The following SDK1 variants were observed in gnomAD, a reference collection of about 807,000 sequenced individuals.
SDK1 encodes protein sidekick-1.
SDK1 carries 157 observed loss-of-function variants against 245.5 expected under a neutral mutation model. The observed-to-expected ratio is 0.64, with a 90% CI of 0.56 to 0.73. The LOEUF (loss-of-function observed/expected upper bound fraction) is 0.73. SDK1 is among the 30% of genes least tolerant of loss of function. The probability of loss-of-function intolerance (pLI) is 0.00; values close to 1 mark genes in which losing one functional copy is unlikely to be tolerated. For missense variants in SDK1, 3,583 were observed against 3,002.3 expected (o/e 1.19, Z -4.52); for synonymous variants, 1,647 against 1,278.5 (o/e 1.29, Z -6.15).
At chr7:4,095,216 C>G (rs1398868286) in intron 22 of SDK1, among the ~76,000 whole-genome samples, 1 of 140,824 alleles carries the variant, frequency 7.1e-6, no homozygotes, top group South Asian at 2.6e-4. Flanking sequence ...TCAGCTCCCC[C>G]ACATCTGAGC....
At chr7:4,115,408 A>C (rs1445617308) in intron 25 of SDK1, among the ~76,000 whole-genome samples, 1 of 152,198 alleles carries the variant, frequency 6.6e-6, no homozygotes, top group Non-Finnish European at 1.5e-5. Context: ...TGGCCAGAGG[A>C]AAAGAACAAG....
At chr7:3,919,832 G>T (rs62439581) in intron 5 of SDK1, among the ~76,000 whole-genome samples, 2 of 152,094 alleles carry the variant, frequency 1.3e-5, no homozygotes, top group Non-Finnish European at 2.9e-5. Flanking sequence ...CATACCTCAC[G>T]TCTCAGACAC....
At chr7:3,584,041 G>C (rs998274252) in intron 1 of SDK1, among the ~76,000 whole-genome samples, 17 of 152,194 alleles carry the variant, frequency 1.1e-4, no homozygotes, top group South Asian at 8.3e-4. Flanking sequence ...TAAGGTGCCA[G>C]GGAGAAGTGT....
chr7:3,762,917 C>G (rs1261864942), intron 4 of SDK1, among the ~76,000 whole-genome samples: 2 of 152,168 alleles, frequency 1.3e-5, no homozygotes, highest in African/African-American at 4.8e-5. Flanking sequence ...GATGTGTGCA[C>G]AAGTCTACAA....
At chr7:3,959,649 A>T (rs1001468283) in intron 8 of SDK1, among the ~76,000 whole-genome samples, 2 of 152,228 alleles carry the variant, frequency 1.3e-5, no homozygotes, top group Non-Finnish European at 2.9e-5. Flanking sequence ...GCACCCACTT[A>T]TTAGTGAGAA....
intron 22 of SDK1, among the ~76,000 whole-genome samples, chr7:4,084,587 A>G (rs1255013595): frequency 6.6e-6 from 1 of 152,158 alleles, no homozygotes; most frequent in Admixed American, 6.5e-5. Flanking sequence ...CCCAGTAGAC[A>G]GAACATATTT....
At chr7:4,182,477 A>G (rs1368145700) in intron 35 of SDK1, among the ~76,000 whole-genome samples, 1 of 152,212 alleles carries the variant, frequency 6.6e-6, no homozygotes, top group Non-Finnish European at 1.5e-5. Context: ...TCCACAGGGC[A>G]GGAGAGCAGC....
intron 9 of SDK1, among the ~76,000 whole-genome samples, chr7:3,963,331 G>C (rs1781848936): frequency 1.4e-5 from 1 of 71,536 alleles, no homozygotes; most frequent in Non-Finnish European, 2.5e-5. Context: ...TCAGCCCCAT[G>C]GCTATCTGGA....
chr7:3,460,466 CTT>C (rs1429450316), intron 1 of SDK1, among the ~76,000 whole-genome samples: 1 of 152,106 alleles, frequency 6.6e-6, no homozygotes, highest in East Asian at 1.9e-4. Flanking sequence ...GATTTTATAA[CTT>C]TTTGTGCAGC....
intron 20 of SDK1, among the ~76,000 whole-genome samples, chr7:4,074,673 C>T (rs1353754080): frequency 7.3e-5 from 11 of 151,690 alleles, no homozygotes; most frequent in Non-Finnish European, 1.5e-4. Context: ...CCAGCCTGGG[C>T]AACACAGTGA....
At chr7:3,513,310 G>C (rs927255966) in intron 1 of SDK1, among the ~76,000 whole-genome samples, 5 of 152,168 alleles carry the variant, frequency 3.3e-5, no homozygotes, top group Non-Finnish European at 7.3e-5. Context: ...TAATGACAGA[G>C]TCGAATAAAG....
chr7:3,328,415 T>C (rs1177237959), intron 1 of SDK1, among the ~76,000 whole-genome samples: 3 of 152,214 alleles, frequency 2.0e-5, no homozygotes, highest in Admixed American at 2.0e-4. Flanking sequence ...TAGATCATGC[T>C]AACATTCTAG....
At chr7:4,055,370 G>T (rs1562738450) in intron 19 of SDK1, among the ~76,000 whole-genome samples, 1 of 152,168 alleles carries the variant, frequency 6.6e-6, no homozygotes, top group African/African-American at 2.4e-5. Context: ...AGATTTGTGA[G>T]TATGAAAATG....
At chr7:3,344,157 A>G (rs1780432154) in intron 1 of SDK1, among the ~76,000 whole-genome samples, 1 of 152,338 alleles carries the variant, frequency 6.6e-6, no homozygotes, top group Admixed American at 6.5e-5. Flanking sequence ...AAATCTACAG[A>G]ATTAAATGTC....
At chr7:3,538,768 G>T (rs755700820) in intron 1 of SDK1, among the ~76,000 whole-genome samples, 2 of 152,230 alleles carry the variant, frequency 1.3e-5, no homozygotes, top group African/African-American at 2.4e-5. Flanking sequence ...AGTGGGGGCA[G>T]AAAGGCCCAT....
intron 1 of SDK1, among the ~76,000 whole-genome samples, chr7:3,424,343 A>G (rs756569642): frequency 2.6e-5 from 4 of 152,190 alleles, no homozygotes; most frequent in Non-Finnish European, 5.9e-5. Context: ...TAGAATAATT[A>G]TGTTTAGATA....
intron 35 of SDK1, among the ~76,000 whole-genome samples, chr7:4,193,321 C>CAATATATAAATATATTAATTTATAT (rs1301650881): frequency 5.6e-5 from 7 of 125,932 alleles, no homozygotes; most frequent in Non-Finnish European, 1.1e-4. Flanking sequence ...TATATTTATA[C>CAATATATAAATATATTAATTTATAT]AATATATAAA....
At chr7:3,523,628 TGA>T (rs1350375718) in intron 1 of SDK1, among the ~76,000 whole-genome samples, 1 of 152,162 alleles carries the variant, frequency 6.6e-6, no homozygotes, top group African/African-American at 2.4e-5. Context: ...CAAGCATTTG[TGA>T]TACCTCAATG....
chr7:3,649,277 A>T (rs1782937051), intron 4 of SDK1, among the ~76,000 whole-genome samples: 1 of 152,190 alleles, frequency 6.6e-6, no homozygotes. Context: ...ACATTTTAAA[A>T]AACACCTTAT....
Sources: allele counts gnomAD v4.1 joint callset (sites outside exome capture counted in the v4.1 genomes callset), GRCh38; gene constraint gnomAD v4.1.1; transcripts MANE v1.5; gene names NCBI Gene and HGNC (gene_info 2026-07-23, HGNC 2026-07-21).